Variants in HACE1 observed in about 807,000 individuals in gnomAD.
HACE1 encodes the protein HECT domain and ankyrin repeat containing E3 ubiquitin protein ligase 1, also known as E3 ubiquitin-protein ligase HACE1.
Under a neutral mutation model 118.4 loss-of-function variants are expected in HACE1, and 73 were observed. The ratio of observed to expected loss-of-function variants is 0.62; its 90% CI spans 0.51 to 0.75. The LOEUF (loss-of-function observed/expected upper bound fraction) is 0.75. Among genes scored for constraint, HACE1 ranks in the 30% least tolerant of loss-of-function variants. The pLI is 0.00. For missense variants in HACE1, 749 were observed against 1,102.2 expected, an observed-to-expected ratio of 0.68 and a Z score of 4.54; for synonymous variants, 368 against 374.8, an observed-to-expected ratio of 0.98 and a Z score of 0.21.
intron 19 of HACE1, among the ~76,000 whole-genome samples, chr6:104,762,184 T>C (rs1452560261): frequency 2.0e-5 from 3 of 152,126 alleles, no homozygotes; most frequent in Non-Finnish European, 2.9e-5. Flanking sequence ...TTTGACCCAG[T>C]GATCCCATTA....
intron 6 of HACE1, among the ~76,000 whole-genome samples, chr6:104,818,614 T>C (rs1156566009): frequency 2.8e-4 from 42 of 151,950 alleles, no homozygotes; most frequent in Admixed American, 2.8e-3. Flanking sequence ...CTTGATGAAA[T>C]TGATGCAAAA....
intron 4 of HACE1, 22 bp from the exon 5 acceptor site, chr6:104,843,320 G>A (rs775936263): frequency 9.2e-7 from 1 of 1,089,016 alleles, no homozygotes; most frequent in Non-Finnish European, 1.4e-6. Flanking sequence ...AAAGAGTCAT[G>A]GATAACTGGT....
chr6:104,751,668 A>G (rs1440139373), intron 19 of HACE1, among the ~76,000 whole-genome samples: 1 of 152,172 alleles, frequency 6.6e-6, no homozygotes, highest in Non-Finnish European at 1.5e-5. Context: ...GTAATTTAAA[A>G]ATGTATTTTG....
Position 104,756,426 on chromosome 6 carries a change from A to AAT in HACE1, c.2212-5956_2212-5955dup, listed in dbSNP as rs143518205. Among the ~76,000 whole-genome samples, 479 of 105,886 alleles carry AAT rather than the reference A, an allele frequency of 4.5e-3. 1 individual carries two copies. The highest frequency in any genetic ancestry group is 0.022 in the South Asian group (67 of 3,032). The allele number at this position is 105,886 out of a possible 152,430, so 69.5% of individuals were successfully genotyped here. On this transcript the variant is annotated intron_variant, in intron 19 of 23. Coordinates refer to ENST00000262903, the MANE Select transcript of HACE1 (RefSeq NM_020771.4). ...GATTCCATCTCAAAAAAAAAAAAAA[A>AAT]ATATATATATATATATATATACACA...
intron 5 of HACE1, among the ~76,000 whole-genome samples, chr6:104,834,778 T>C (rs1774359367): frequency 3.3e-5 from 5 of 152,144 alleles, no homozygotes. Context: ...ATCACAGGAC[T>C]CCCAAAAGGC....
chr6:104,849,604 A>G lies in HACE1; in HGVS notation c.222-358T>C, dbSNP rs151046155. Among the ~76,000 whole-genome samples, 817 of 151,370 alleles carry G rather than the reference A, an allele frequency of 5.4e-3. 11 individuals are homozygous for G. The highest frequency in any genetic ancestry group is 0.019 in the African/African-American group (790 of 41,192). On this transcript the variant is annotated intron_variant, in intron 3 of 23. Coordinates refer to ENST00000262903, the MANE Select transcript of HACE1 (RefSeq NM_020771.4). The stretch of plus-strand genomic sequence containing the variant: ...GCAATCCTCCTACCTCAGCCTCCCA[A>G]AGTGCTGGGATTACAGGTGTGAGCC...
chr6:104,787,946 T>G (rs563425040), intron 11 of HACE1, among the ~76,000 whole-genome samples: 18 of 152,280 alleles, frequency 1.2e-4, no homozygotes, highest in African/African-American at 3.8e-4. Flanking sequence ...TTTTCTTACC[T>G]TTTATTTCTT....
At chr6:104,821,554 C>T (rs1324162724) in intron 6 of HACE1, among the ~76,000 whole-genome samples, 1 of 151,874 alleles carries the variant, frequency 6.6e-6, no homozygotes, top group Non-Finnish European at 1.5e-5. Context: ...TAATATGTAC[C>T]CAGACAGTGT....
chr6:104,747,578 C>T lies in HACE1; in HGVS notation c.2343+2763G>A, dbSNP rs760718054. ...TTCTAAAGCCAAGTCCCTCTGATTA[C>T]TCATGCCACCAAGCAGCAGACTGGC... On this transcript the variant is annotated intron_variant, in intron 20 of 23. Transcript: ENST00000262903. Among the ~76,000 whole-genome samples, 23 of 151,950 alleles carry T rather than the reference C, an allele frequency of 1.5e-4. No homozygotes were observed. The East Asian group carries it at 2.3e-3, about 15-fold the overall frequency.
chr6:104,784,472 G>T lies in HACE1; in HGVS notation c.1423C>A (p.Arg475Ser). ...TGTTTGCAGACAAATTCAATGAAAC[G>T]AGGTGAAGTCATTCTGTGGGGGGAA... ...CQMPPGMTSP[R>S]FIEFVCKHDE... Residue 475 changes from arginine (R) to serine (S), a missense_variant, in exon 13 of 24, where the codon CGT becomes AGT. Around this residue, in one of 5 missense-constraint regions of HACE1, gnomAD observed 195 missense variants for 322.1 expected, o/e 0.61. Coordinates refer to ENST00000262903, the MANE Select transcript of HACE1 (RefSeq NM_020771.4). 1 of 1,610,652 alleles carries T rather than the reference G, an allele frequency of 6.2e-7. No homozygotes were observed. The highest frequency in any genetic ancestry group is 8.5e-7 in the Non-Finnish European group (1 of 1,177,148).
intron 19 of HACE1, among the ~76,000 whole-genome samples, chr6:104,763,605 A>G (rs543082735): frequency 5.3e-3 from 802 of 151,898 alleles, no homozygotes; most frequent in Non-Finnish European, 7.6e-3. Context: ...AAAAAAAAAA[A>G]GGGGCATACC....
At chr6:104,770,791 C>T (rs1250564712) in intron 19 of HACE1, among the ~76,000 whole-genome samples, 1 of 152,152 alleles carries the variant, frequency 6.6e-6, no homozygotes, top group East Asian at 1.9e-4. Context: ...CTTACTGGAT[C>T]CCAAAAGTAT....
At chr6:104,840,600 G>A (rs530248810) in intron 5 of HACE1, among the ~76,000 whole-genome samples, 72 of 152,196 alleles carry the variant, frequency 4.7e-4, no homozygotes, top group African/African-American at 1.7e-3. Context: ...TAGCCAAGGC[G>A]GGTGGATCAC....
At chr6:104,736,319 C>T (rs1007781158) in intron 22 of HACE1, among the ~76,000 whole-genome samples, 4 of 152,044 alleles carry the variant, frequency 2.6e-5, no homozygotes, top group Admixed American at 6.5e-5. Context: ...GGGTCTCACA[C>T]TGTCACCCCA....
chr6:104,811,977 T>C (rs552045355), intron 6 of HACE1, among the ~76,000 whole-genome samples: 130 of 152,296 alleles, frequency 8.5e-4, no homozygotes, highest in African/African-American at 3.0e-3. Context: ...TCAATTTCAC[T>C]GATTGCCATT....
intron 6 of HACE1, among the ~76,000 whole-genome samples, chr6:104,815,430 T>C (rs1772011397): frequency 7.4e-6 from 1 of 136,012 alleles, no homozygotes; most frequent in African/African-American, 3.0e-5. Flanking sequence ...TGTAATGGCA[T>C]GATCTCAACT....
rs1330140556 is a variant in HACE1, at chr6:104,728,167, A to T, written c.*1495T>A. 6.6e-6 allele frequency: 1 copy of T among 152,170 alleles called. No homozygotes were observed. Among genetic ancestry groups the T allele is most frequent in the Non-Finnish European group, 1.5e-5 (1 of 68,028 alleles). The allele number at this position is 152,170 out of a possible 1,614,324, so 9.4% of individuals were successfully genotyped here. On this transcript the variant is annotated 3_prime_UTR_variant, in exon 24 of 24. Coordinates refer to ENST00000262903, the MANE Select transcript of HACE1 (RefSeq NM_020771.4). ...AAAAAAAACTAATATGACAAAGCCA[A>T]TGTATTATATGGTTATAAACAGAAA...
chr6:104,768,226 C>T (rs1465060940), intron 19 of HACE1, among the ~76,000 whole-genome samples: 1 of 151,800 alleles, frequency 6.6e-6, no homozygotes, highest in Non-Finnish European at 1.5e-5. Flanking sequence ...TTACAAAGGC[C>T]CTCTAACAAG....
At chr6:104,806,418 C>A (rs545050675) in intron 7 of HACE1, among the ~76,000 whole-genome samples, 2 of 152,046 alleles carry the variant, frequency 1.3e-5, no homozygotes, top group Non-Finnish European at 2.9e-5. Flanking sequence ...GTTATGATCA[C>A]GCCACTGCAC....
Sources: allele counts gnomAD v4.1 joint callset (sites outside exome capture counted in the v4.1 genomes callset), GRCh38; gene constraint gnomAD v4.1.1; regional missense constraint gnomAD v4.1.1; transcripts MANE v1.5; gene names NCBI Gene and HGNC (gene_info 2026-07-23, HGNC 2026-07-21).